The following DCP1A variants were observed in gnomAD, a reference collection of about 807,000 sequenced individuals.
DCP1A encodes the protein mRNA-decapping enzyme 1A.
In DCP1A, 20 loss-of-function variants were observed where a neutral mutation model predicts 58.0. The ratio of observed to expected loss-of-function variants is 0.34; its 90% confidence interval spans 0.24 to 0.50. The LOEUF (loss-of-function observed/expected upper bound fraction) is 0.50. Among genes scored for constraint, DCP1A ranks in the 20% least tolerant of loss-of-function variants. The probability of loss-of-function intolerance (pLI) is 0.98; values close to 1 mark genes in which losing one functional copy is unlikely to be tolerated. For missense variants in DCP1A, 613 were observed against 712.2 expected, an observed-to-expected ratio of 0.86 and a Z score of 1.59; for synonymous variants, 285 against 275.1, an observed-to-expected ratio of 1.04 and a Z score of -0.36.
intron 3 of DCP1A, among the ~76,000 whole-genome samples, chr3:53,341,586 G>A (rs1427237499): frequency 6.6e-6 from 1 of 152,066 alleles, no homozygotes; most frequent in Non-Finnish European, 1.5e-5. Flanking sequence ...GTCCACAGCT[G>A]CAAAAAAACA....
At chr3:53,319,968 A>G (rs1209519991) in intron 3 of DCP1A, among the ~76,000 whole-genome samples, 1 of 152,012 alleles carries the variant, frequency 6.6e-6, no homozygotes, top group East Asian at 1.9e-4. Flanking sequence ...CGTCTCTACT[A>G]AAAATACAAA....
chr3:53,290,086 C>T (rs1011430882), intron 8 of DCP1A, among the ~76,000 whole-genome samples: 3 of 152,022 alleles, frequency 2.0e-5, no homozygotes, highest in Non-Finnish European at 4.4e-5. Flanking sequence ...ATTTAAACTC[C>T]AAGACTCAAG....
In DCP1A at chr3:53,335,990, G is replaced by C. The variant is rs531626982; in HGVS notation, c.304+6154C>G. 5.9e-5 allele frequency among the ~76,000 whole-genome samples: 9 copies of C among 152,028 alleles called. No individual in the cohort carries two copies. The South Asian group carries it at 1.9e-3, about 32-fold the overall frequency. ...ATTTTTTGTATTTTTTATAGAGACAGGGTTTCGCCATGTTGCTCATGTTGG... is the reference window on the plus strand; with the variant it reads ...ATTTTTTGTATTTTTTATAGAGACACGGTTTCGCCATGTTGCTCATGTTGG... On this transcript the variant is annotated intron_variant, in intron 3 of 9. Transcript: ENST00000610213.
chr3:53,319,527 G>A (rs989614475), intron 3 of DCP1A, 54 bp from the exon 4 acceptor site: 5 of 1,112,364 alleles, frequency 4.5e-6, no homozygotes, highest in Middle Eastern at 2.1e-4. Context: ...CAACATTTGG[G>A]TGTATGTAAA....
In DCP1A at chr3:53,292,076, G is replaced by C; in HGVS notation, c.1376C>G (p.Pro459Arg). 1 of 1,608,800 alleles carries C rather than the reference G, an allele frequency of 6.2e-7. No individual in the cohort carries two copies. The highest frequency in any genetic ancestry group is 8.5e-7 in the Non-Finnish European group (1 of 1,177,430). ...CCACCCTCCTGCCATTACCTGAAGG[G>C]GAGCAAGCACCATGTTGCTCAGGGA... ...SASLSNMVLA[P>R]LQSMQQNQDP... Residue 459 changes from proline to arginine, a missense_variant, in exon 7 of 10, where the codon CCC becomes CGC. Physicochemically the swap from Pro to Arg is moderately radical, Grantham distance 103 (BLOSUM62 -2). This residue lies in a region of DCP1A where 498 missense variants were observed against 556.7 expected (regional missense o/e 0.89). Coordinates refer to ENST00000610213, the MANE Select transcript of DCP1A (RefSeq NM_018403.7).
chr3:53,288,784 C>T (rs1272500170), intron 8 of DCP1A, among the ~76,000 whole-genome samples: 1 of 152,128 alleles, frequency 6.6e-6, no homozygotes, highest in African/African-American at 2.4e-5. Context: ...TGCCTATAAT[C>T]CCAGCACTCT....
chr3:53,343,312 C>T (rs545009538), intron 2 of DCP1A, among the ~76,000 whole-genome samples: 1 of 152,298 alleles, frequency 6.6e-6, no homozygotes, highest in African/African-American at 2.4e-5. Context: ...GTCTGACATC[C>T]TGGTATACCT....
At chr3:53,302,237 A>G (rs1707331381) in intron 6 of DCP1A, among the ~76,000 whole-genome samples, 1 of 152,242 alleles carries the variant, frequency 6.6e-6, no homozygotes, top group Non-Finnish European at 1.5e-5. Flanking sequence ...ATGGGTACAT[A>G]GGATCTTTCT....
At chr3:53,312,187 C>G in intron 5 of DCP1A, 54 bp downstream of exon 5, 1 of 1,510,446 alleles carries the variant, frequency 6.6e-7, no homozygotes, top group Non-Finnish European at 8.9e-7. Flanking sequence ...TGCAGACCTC[C>G]TCCTCCCGTT....
In DCP1A at chr3:53,312,092, T is replaced by A. The variant is rs1707662130; in HGVS notation, c.510+149A>T. ...CAGCCTGCCAAGTAGCTGGGACTGA[T>A]TACAGGAGTGTGCTAACACGCTCTC... On this transcript the variant is annotated intron_variant, in intron 5 of 9. Coordinates refer to ENST00000610213, the MANE Select transcript of DCP1A (RefSeq NM_018403.7). 3.8e-6 allele frequency: 3 copies of A among 790,350 alleles called. No homozygotes were observed. In the South Asian group the frequency reaches 6.9e-5, roughly 18 times the overall value. 49.0% of individuals were successfully genotyped at this position (790,350 alleles called of 1,614,324 possible). A position where few individuals can be genotyped will look rare whatever the true frequency, so the allele number is the denominator to read the frequency against.
At chr3:53,338,409 C>T (rs1263252118) in intron 3 of DCP1A, among the ~76,000 whole-genome samples, 28 of 151,894 alleles carry the variant, frequency 1.8e-4, no homozygotes, top group Non-Finnish European at 2.9e-5. Context: ...ACAGTGAGAC[C>T]TTGTCTTTTG....
chr3:53,284,234 G>GT lies in DCP1A; in HGVS notation c.*3345dup, dbSNP rs1158674323. On this transcript the variant is annotated 3_prime_UTR_variant, in exon 10 of 10. Transcript: ENST00000610213. ...GAGTTACAGTATGATGGCTGATTTT[G>GT]TTTTTTGAGCAGTTAGGCACCTTCA... 3 of 152,156 alleles carry GT rather than the reference G, an allele frequency of 2.0e-5. No homozygotes were observed. Among genetic ancestry groups the GT allele is most frequent in the African/African-American group, 7.2e-5 (3 of 41,422 alleles). The allele number at this position is 152,156 out of a possible 1,614,324, so 9.4% of individuals were successfully genotyped here.
intron 6 of DCP1A, among the ~76,000 whole-genome samples, chr3:53,298,384 T>C (rs930561445): frequency 6.6e-6 from 1 of 152,216 alleles, no homozygotes; most frequent in African/African-American, 2.4e-5. Flanking sequence ...ATGGGGAGTA[T>C]GGTAAAGCAT....
In DCP1A at chr3:53,293,256, T is replaced by C. The variant is rs528877853; in HGVS notation, c.625-429A>G. Among the ~76,000 whole-genome samples, 3 of 152,150 alleles carry C rather than the reference T, an allele frequency of 2.0e-5. No individual in the cohort carries two copies. In the East Asian group the frequency reaches 5.8e-4, roughly 29 times the overall value. On this transcript the variant is annotated intron_variant, in intron 6 of 9. Transcript: ENST00000610213. ...GACCTCAGAGACTGGGTCTCAAATATCAGAAAATAAATCTAGCCATTTAAT... is the reference window on the plus strand; with the variant it reads ...GACCTCAGAGACTGGGTCTCAAATACCAGAAAATAAATCTAGCCATTTAAT...
intron 4 of DCP1A, among the ~76,000 whole-genome samples, chr3:53,315,777 G>A (rs187492651): frequency 1.8e-3 from 188 of 107,266 alleles, no homozygotes; most frequent in African/African-American, 5.7e-3. Context: ...TTTTTGAGAC[G>A]GAGTCTCGCT....
intron 3 of DCP1A, among the ~76,000 whole-genome samples, chr3:53,325,123 G>A (rs62256969): frequency 0.16 from 24,047 of 152,084 alleles, 2,495 homozygotes; most frequent in Middle Eastern, 0.28. Flanking sequence ...CCTTAGACCC[G>A]TTTAAAGATA....
intron 3 of DCP1A, among the ~76,000 whole-genome samples, chr3:53,325,532 T>C (rs922652361): frequency 6.6e-6 from 1 of 152,178 alleles, no homozygotes; most frequent in Non-Finnish European, 1.5e-5. Flanking sequence ...CTAAAGATGA[T>C]ACTGACAAAG....
rs118068526 is a variant in DCP1A, at chr3:53,324,808, C to T, written c.305-5335G>A. On this transcript the variant is annotated intron_variant, in intron 3 of 9. Coordinates refer to ENST00000610213, the MANE Select transcript of DCP1A (RefSeq NM_018403.7). ...GGCTGAGGCAGGAGGTTCACTTGAG[C>T]CCAGGAGTTCAAGACCAGCCTGGGC... 0.013 allele frequency among the ~76,000 whole-genome samples: 2,029 copies of T among 152,070 alleles called. 117 individuals carry two copies. In the South Asian group the frequency reaches 0.14, roughly 11 times the overall value.
At chr3:53,334,694 T>A (rs993425602) in intron 3 of DCP1A, among the ~76,000 whole-genome samples, 1 of 152,184 alleles carries the variant, frequency 6.6e-6, no homozygotes, top group South Asian at 2.1e-4. Context: ...TATTTTCAAT[T>A]AATCATGTTA....
Sources: allele counts gnomAD v4.1 joint callset (sites outside exome capture counted in the v4.1 genomes callset), GRCh38; gene constraint gnomAD v4.1.1; regional missense constraint gnomAD v4.1.1; transcripts MANE v1.5; gene names NCBI Gene and HGNC (gene_info 2026-07-23, HGNC 2026-07-21).